Variants in SAMD4A observed in about 807,000 individuals in gnomAD.
SAMD4A encodes protein Smaug homolog 1.
Under a neutral mutation model 81.3 loss-of-function variants are expected in SAMD4A, and 33 were observed. The ratio of observed to expected loss-of-function variants is 0.41; its 90% CI spans 0.31 to 0.54. The LOEUF (loss-of-function observed/expected upper bound fraction) is 0.54. Among genes scored for constraint, SAMD4A ranks in the 20% least tolerant of loss-of-function variants. The probability of loss-of-function intolerance (pLI) is 0.37; values close to 1 mark genes in which losing one functional copy is unlikely to be tolerated. For missense variants in SAMD4A, 854 were observed against 951.1 expected, an observed-to-expected ratio of 0.90 and a Z score of 1.34; for synonymous variants, 389 against 382.1, an observed-to-expected ratio of 1.02 and a Z score of -0.21.
intron 2 of SAMD4A, among the ~76,000 whole-genome samples, chr14:54,638,104 A>G (rs1403476219): frequency 6.6e-6 from 1 of 152,190 alleles, no homozygotes. Context: ...TATTTTTGCT[A>G]CAAGGAGATT....
At chr14:54,696,531 T>C (rs1594825114) in intron 2 of SAMD4A, among the ~76,000 whole-genome samples, 1 of 152,370 alleles carries the variant, frequency 6.6e-6, no homozygotes, top group South Asian at 2.1e-4. Context: ...GAAACCCTTT[T>C]ATGGCAAACG....
chr14:54,687,527 C>G (rs144279654), intron 2 of SAMD4A: 5 of 372,706 alleles, frequency 1.3e-5, no homozygotes, highest in Admixed American at 3.4e-5. Context: ...TGTGCTCATG[C>G]TCCTAAATGG....
intron 3 of SAMD4A, among the ~76,000 whole-genome samples, chr14:54,731,764 G>A (rs2037563465): frequency 6.6e-6 from 1 of 152,176 alleles, no homozygotes; most frequent in Non-Finnish European, 1.5e-5. Context: ...TGGACTCATA[G>A]GGCATGATGA....
intron 3 of SAMD4A, among the ~76,000 whole-genome samples, chr14:54,716,636 T>C (rs1262205636): frequency 1.3e-5 from 2 of 152,174 alleles, no homozygotes; most frequent in Non-Finnish European, 2.9e-5. Flanking sequence ...GGGGGTAAGG[T>C]CCTCAGTTCC....
intron 2 of SAMD4A, among the ~76,000 whole-genome samples, chr14:54,596,139 A>C (rs1474779150): frequency 6.6e-6 from 1 of 152,140 alleles, no homozygotes; most frequent in Non-Finnish European, 1.5e-5. Flanking sequence ...GGCAGGAAAG[A>C]GGTGGTATTC....
At chr14:54,672,803 C>T (rs1424001209) in intron 2 of SAMD4A, among the ~76,000 whole-genome samples, 1 of 152,168 alleles carries the variant, frequency 6.6e-6, no homozygotes, top group East Asian at 1.9e-4. Context: ...CTGTCTGTAA[C>T]ATGGGAACAA....
At chr14:54,635,582 T>C (rs1213880596) in intron 2 of SAMD4A, among the ~76,000 whole-genome samples, 1 of 151,102 alleles carries the variant, frequency 6.6e-6, no homozygotes, top group Non-Finnish European at 1.5e-5. Flanking sequence ...AAACCATCTC[T>C]ACTAAAAATA....
At chr14:54,649,941 T>TA (rs2035367901) in intron 2 of SAMD4A, among the ~76,000 whole-genome samples, 1 of 152,224 alleles carries the variant, frequency 6.6e-6, no homozygotes, top group Non-Finnish European at 1.5e-5. Context: ...TTAGTCTACT[T>TA]AGACTTTTAG....
intron 3 of SAMD4A, chr14:54,703,477 G>A (rs184548904): frequency 1.3e-5 from 2 of 152,300 alleles, no homozygotes; most frequent in African/African-American, 4.8e-5. Flanking sequence ...GAATGCAGTG[G>A]CAGTGCCAAG....
chr14:54,640,165 G>T (rs2035139959), intron 2 of SAMD4A, among the ~76,000 whole-genome samples: 1 of 152,006 alleles, frequency 6.6e-6, no homozygotes, highest in Non-Finnish European at 1.5e-5. Context: ...CTACAACCAG[G>T]CCTTTACTCT....
intron 2 of SAMD4A, among the ~76,000 whole-genome samples, chr14:54,664,547 T>C (rs1369179359): frequency 6.6e-6 from 1 of 152,036 alleles, no homozygotes; most frequent in Non-Finnish European, 1.5e-5. Context: ...CTTTACACTT[T>C]CTCACAAATG....
At chr14:54,726,407 G>T (rs532247908) in intron 3 of SAMD4A, among the ~76,000 whole-genome samples, 3 of 152,228 alleles carry the variant, frequency 2.0e-5, no homozygotes, top group Non-Finnish European at 4.4e-5. Flanking sequence ...CTGAGCTAAA[G>T]AACCTGAACA....
intron 2 of SAMD4A, among the ~76,000 whole-genome samples, chr14:54,662,367 G>A (rs1362121575): frequency 6.6e-6 from 1 of 151,710 alleles, no homozygotes; most frequent in East Asian, 1.9e-4. Flanking sequence ...TGTACTTATT[G>A]GCAGAGAGAC....
chr14:54,615,122 A>G (rs2034459209), intron 2 of SAMD4A, among the ~76,000 whole-genome samples: 1 of 152,216 alleles, frequency 6.6e-6, no homozygotes, highest in South Asian at 2.1e-4. Context: ...AAAGTTGCCC[A>G]GCCTCCCTGG....
chr14:54,686,422 C>T (rs953419630), intron 2 of SAMD4A, among the ~76,000 whole-genome samples: 2 of 152,128 alleles, frequency 1.3e-5, no homozygotes, highest in Non-Finnish European at 2.9e-5. Context: ...CGTCATATAA[C>T]AGTGAATTCA....
In SAMD4A at chr14:54,649,120, C is replaced by T. The variant is rs146310257; in HGVS notation, c.197-52942C>T. Among the ~76,000 whole-genome samples the T allele has an allele frequency of 8.0e-3, 1,225 of 152,238 alleles. 15 individuals carry two copies. The highest frequency in any genetic ancestry group is 0.028 in the African/African-American group (1,166 of 41,534). The stretch of plus-strand genomic sequence containing the variant: ...ACTGAATGAGTACCAGGTTTCCAAA[C>T]AAGATAAAGTTTTGGACATAAGCTA... On this transcript the variant is annotated intron_variant, in intron 2 of 12. Coordinates refer to ENST00000554335, the MANE Select transcript of SAMD4A (RefSeq NM_015589.6).
intron 2 of SAMD4A, among the ~76,000 whole-genome samples, chr14:54,568,543 G>A (rs1244713971): frequency 6.6e-6 from 1 of 151,624 alleles, no homozygotes; most frequent in African/African-American, 2.4e-5. Flanking sequence ...CTGCCCTTCA[G>A]AAGCCAAGCT....
Position 54,775,054 on chromosome 14 carries a change from C to A in SAMD4A, c.1836C>A (p.Gly612=), listed in dbSNP as rs2038806079. The A allele has an allele frequency of 1.2e-6, 2 of 1,614,074 alleles. No homozygotes were observed. Among genetic ancestry groups the A allele is most frequent in the Non-Finnish European group, 1.7e-6 (2 of 1,180,046 alleles). ...GGAACGTCCCTTCCGCCCGCCTGGGCCTCTTGGGCACCAGTGGATTCGTCA... is the reference window on the plus strand; with the variant it reads ...GGAACGTCCCTTCCGCCCGCCTGGGACTCTTGGGCACCAGTGGATTCGTCA... ...PSRNVPSARL[G]LLGTSGFVSS... is the part of the protein sequence containing the mutation. Residue 612 remains glycine (G), a synonymous_variant, in exon 10 of 13, where the codon GGC becomes GGA. Coordinates refer to ENST00000554335, the MANE Select transcript of SAMD4A (RefSeq NM_015589.6).
At position 54,638,842 on chromosome 14, in the gene SAMD4A, A is replaced by G. The variant is rs77042797; in HGVS notation, c.197-63220A>G. ...TCATTTTATTACCTGAATTCAATGT[A>G]TACCGATGTTCTAAGAGAGTGGACA... On this transcript the variant is annotated intron_variant, in intron 2 of 12. Coordinates refer to ENST00000554335, the MANE Select transcript of SAMD4A (RefSeq NM_015589.6). Among the ~76,000 whole-genome samples the G allele has an allele frequency of 2.7e-3, 404 of 152,356 alleles. 1 individual carries two copies. The highest frequency in any genetic ancestry group is 9.1e-3 in the African/African-American group (380 of 41,586).
Sources: gnomAD v4.1 joint callset for allele counts (sites outside exome capture counted in the v4.1 genomes callset) on GRCh38, gnomAD v4.1.1 for gene constraint, MANE v1.5 for transcripts, NCBI Gene and HGNC (gene_info 2026-07-23, HGNC 2026-07-21) for gene names.